FANK1: variants seen among roughly 807,000 people sequenced by gnomAD.
The protein encoded by FANK1 is fibronectin type III and ankyrin repeat domains 1, also known as fibronectin type 3 and ankyrin repeat domains protein 1.
A neutral mutation model predicts 45.3 loss-of-function variants in FANK1; 44 were observed. The ratio of observed to expected loss-of-function variants is 0.97; its 90% CI spans 0.76 to 1.25. The LOEUF (loss-of-function observed/expected upper bound fraction) is 1.25, where lower values mean the gene tolerates loss of function less well. FANK1 is among the 50% of genes most tolerant of loss of function. FANK1 has a pLI of 0.00. For missense variants in FANK1, 391 were observed against 424.4 expected, an observed-to-expected ratio of 0.92 and a Z score of 0.69; for synonymous variants, 149 against 152.5, an observed-to-expected ratio of 0.98 and a Z score of 0.17.
intron 1 of FANK1, among the ~76,000 whole-genome samples, chr10:125,908,126 A>G (rs764522777): frequency 6.6e-6 from 1 of 151,186 alleles, no homozygotes; most frequent in Non-Finnish European, 1.5e-5. Flanking sequence ...CCTCCCAGGT[A>G]GCTGAGATTA....
chr10:125,903,284 C>G lies in FANK1; in HGVS notation c.13+6629C>G, dbSNP rs549305699. Among the ~76,000 whole-genome samples the G allele has an allele frequency of 3.8e-4, 58 of 152,380 alleles. No individual in the cohort carries two copies. The East Asian group carries it at 8.1e-3, about 21-fold the overall frequency. On this transcript the variant is annotated intron_variant, in intron 1 of 10. Transcript: ENST00000368693. ...AATGACCTGAATGACTCATTACATG[C>G]AGACAGTGGTGCAAACTCATTAACA...
intron 1 of FANK1, among the ~76,000 whole-genome samples, chr10:125,947,825 C>T (rs1246587431): frequency 7.9e-6 from 1 of 126,942 alleles, no homozygotes; most frequent in Non-Finnish European, 1.7e-5. Flanking sequence ...TTTTCAGCAG[C>T]ACACCACACC....
chr10:125,952,796 TACATACACACACACACACACACAC>T (rs1949331029), intron 1 of FANK1, among the ~76,000 whole-genome samples: 2 of 100,916 alleles, frequency 2.0e-5, no homozygotes, highest in East Asian at 5.8e-4. Flanking sequence ...CAGCAGGAAA[TACATACACACACACACACACACAC>T]ACACACACAC....
At position 125,902,100 on chromosome 10, in the gene FANK1, CAA is replaced by C. The variant is rs1308732382; in HGVS notation, c.13+5446_13+5447del. Among the ~76,000 whole-genome samples the C allele has an allele frequency of 1.1e-4, 16 of 151,892 alleles. No individual in the cohort carries two copies. The South Asian group carries it at 1.5e-3, about 14-fold the overall frequency. ...CACCACTGTACTCCATCGTGGGAGACAAGAGCAATGTGAGGTGGGGGGAGGAG... is the reference window on the plus strand; with the variant it reads ...CACCACTGTACTCCATCGTGGGAGACGAGCAATGTGAGGTGGGGGGAGGAG... On this transcript the variant is annotated intron_variant, in intron 1 of 10. Coordinates refer to ENST00000368693, the MANE Select transcript of FANK1 (RefSeq NM_145235.5).
At chr10:125,918,260 A>G (rs1370211744) in intron 1 of FANK1, among the ~76,000 whole-genome samples, 1 of 151,838 alleles carries the variant, frequency 6.6e-6, no homozygotes, top group Non-Finnish European at 1.5e-5. Context: ...TGTACATTTA[A>G]GACTGGTTAA....
At chr10:125,969,426 A>T (rs776945642) in intron 1 of FANK1, among the ~76,000 whole-genome samples, 1 of 151,998 alleles carries the variant, frequency 6.6e-6, no homozygotes, top group East Asian at 1.9e-4. Context: ...AAACTTTTGT[A>T]TAAAAAGTAG....
At chr10:125,916,486 T>A (rs1416974061) in intron 1 of FANK1, among the ~76,000 whole-genome samples, 1 of 152,120 alleles carries the variant, frequency 6.6e-6, no homozygotes, top group African/African-American at 2.4e-5. Context: ...TTCTTTTGAT[T>A]ATGTCTATTT....
chr10:125,988,757 C>T lies in FANK1; in HGVS notation c.316+82C>T, dbSNP rs73370560. 3.8e-3 allele frequency: 6,090 copies of T among 1,602,396 alleles called. 141 individuals carry two copies. The African/African-American group carries it at 0.056, about 15-fold the overall frequency. Reference sequence around the variant, plus strand: ...AATTTAGAAAAAATATTCTGCCTCTCGTTTGGCCTTACCAGAAGCAGAAAT... The same window carrying T: ...AATTTAGAAAAAATATTCTGCCTCTTGTTTGGCCTTACCAGAAGCAGAAAT... On this transcript the variant is annotated intron_variant, in intron 3 of 10. Transcript: ENST00000368693.
At chr10:126,000,480 A>G (rs1952675114) in intron 6 of FANK1, among the ~76,000 whole-genome samples, 1 of 152,226 alleles carries the variant, frequency 6.6e-6, no homozygotes. Flanking sequence ...TAGAAGTAAC[A>G]TAAACCATTG....
rs959396830 is a variant in FANK1 at position 125,949,455 on chromosome 10, A to G, written c.14-30706A>G. Among the ~76,000 whole-genome samples the G allele has an allele frequency of 1.3e-3, 204 of 152,326 alleles. 2 individuals carry two copies. The highest frequency in any genetic ancestry group is 1.6e-4 in the Non-Finnish European group (11 of 68,044). On this transcript the variant is annotated intron_variant, in intron 1 of 10. Transcript: ENST00000368693. ...ACAAAATCAATGTACAAAAATCACA[A>G]GTATTCTTATACACCAACAAAAACA... is the stretch of plus-strand genomic sequence containing the variant.
chr10:125,997,990 A>G (rs1377908041), intron 6 of FANK1, among the ~76,000 whole-genome samples: 5 of 152,252 alleles, frequency 3.3e-5, no homozygotes, highest in African/African-American at 7.2e-5. Flanking sequence ...TGAGAACGCT[A>G]TAGGAAAAGC....
intron 1 of FANK1, among the ~76,000 whole-genome samples, chr10:125,917,659 C>T (rs1208025608): frequency 6.6e-6 from 1 of 152,166 alleles, no homozygotes; most frequent in Non-Finnish European, 1.5e-5. Flanking sequence ...ATGCTTTTCT[C>T]TTGTTAATCT....
chr10:125,918,716 A>G (rs1384604407), intron 1 of FANK1, among the ~76,000 whole-genome samples: 3 of 150,862 alleles, frequency 2.0e-5, no homozygotes, highest in East Asian at 1.9e-4. Context: ...CCTTAGAACA[A>G]CTTTGTTCAG....
intron 1 of FANK1, among the ~76,000 whole-genome samples, chr10:125,917,295 G>C (rs940536614): frequency 6.6e-6 from 1 of 152,216 alleles, no homozygotes; most frequent in African/African-American, 2.4e-5. Flanking sequence ...AACCGAAGTA[G>C]CTTGATGTTA....
chr10:125,954,838 T>G (rs1949476814), intron 1 of FANK1, among the ~76,000 whole-genome samples: 1 of 152,038 alleles, frequency 6.6e-6, no homozygotes, highest in South Asian at 2.1e-4. Context: ...GGAGAATCAC[T>G]TGAGCATAGG....
chr10:125,970,347 G>A (rs1950429382), intron 1 of FANK1, among the ~76,000 whole-genome samples: 1 of 151,904 alleles, frequency 6.6e-6, no homozygotes, highest in Admixed American at 6.6e-5. Flanking sequence ...CCTCCCAGAT[G>A]GGGCGGCCGG....
Position 125,983,462 on chromosome 10 carries a change from TAGTC to T in FANK1, c.191+3127_191+3130del, listed in dbSNP as rs1392096221. Among the ~76,000 whole-genome samples, 1 of 151,934 alleles carries T rather than the reference TAGTC, an allele frequency of 6.6e-6. No homozygotes were observed. Among genetic ancestry groups the T allele is most frequent in the Non-Finnish European group, 1.5e-5 (1 of 67,998 alleles). ...AATAAGATACATAAGTAAAAATAGGTAGTCAGCAGGCAATACATACTGAGGGGCA... is the reference window on the plus strand; with the variant it reads ...AATAAGATACATAAGTAAAAATAGGTAGCAGGCAATACATACTGAGGGGCA... On this transcript the variant is annotated intron_variant, in intron 2 of 10. Transcript: ENST00000368693. This position sits in a 1 kb window ranked among gnomAD's most constrained non-coding sequence, Gnocchi z 4.3.
At chr10:125,970,145 C>T (rs1950407161) in intron 1 of FANK1, among the ~76,000 whole-genome samples, 1 of 152,232 alleles carries the variant, frequency 6.6e-6, no homozygotes, top group Non-Finnish European at 1.5e-5. Flanking sequence ...TTGGGTACAC[C>T]TCCCAGACGG....
At chr10:125,920,647 G>A (rs552134473) in intron 1 of FANK1, among the ~76,000 whole-genome samples, 16 of 152,240 alleles carry the variant, frequency 1.1e-4, no homozygotes, top group Non-Finnish European at 1.9e-4. Flanking sequence ...GGGCTCAGCC[G>A]CTGTAGCTGC....
Sources: allele counts gnomAD v4.1 joint callset (sites outside exome capture counted in the v4.1 genomes callset), GRCh38; gene constraint gnomAD v4.1.1; non-coding constraint Gnocchi (gnomAD v3.1); transcripts MANE v1.5; gene names NCBI Gene and HGNC (gene_info 2026-07-23, HGNC 2026-07-21).